Variants in GOLPH3 observed in about 807,000 individuals in gnomAD.
The protein encoded by GOLPH3 is golgi phosphoprotein 3.
Under a neutral mutation model 28.5 loss-of-function variants are expected in GOLPH3, and 14 were observed. That is an observed-to-expected ratio of 0.49 (90% CI 0.32 to 0.77). The LOEUF (loss-of-function observed/expected upper bound fraction) is 0.77. Ranked by LOEUF, GOLPH3 falls within the 30% of genes least tolerant of loss-of-function variation. GOLPH3 has a pLI of 0.03. For synonymous variants in GOLPH3, 158 were observed against 159.2 expected (o/e 0.99, Z 0.06); for missense variants, 350 against 393.7 (o/e 0.89, Z 0.94).
At chr5:32,167,441 G>A (rs999442122) in intron 1 of GOLPH3, among the ~76,000 whole-genome samples, 1 of 151,994 alleles carries the variant, frequency 6.6e-6, no homozygotes, top group Non-Finnish European at 1.5e-5. Flanking sequence ...CAAAGTACTG[G>A]GATTACAGGT....
Position 32,146,116 on chromosome 5 carries a change from C to G in GOLPH3, c.226-2236G>C, listed in dbSNP as rs530372282. Among the ~76,000 whole-genome samples, 14 of 151,922 alleles carry G rather than the reference C, an allele frequency of 9.2e-5. No individual in the cohort carries two copies. In the South Asian group the frequency reaches 2.7e-3, roughly 29 times the overall value. On this transcript the variant is annotated intron_variant, in intron 1 of 3. Transcript: ENST00000265070. Reference sequence around the variant, plus strand: ...AGACCCCTGGGCAACATGGTGAAACCCCATCTCTACAAAAAATACAAAAAT... The same window carrying G: ...AGACCCCTGGGCAACATGGTGAAACGCCATCTCTACAAAAAATACAAAAAT...
At chr5:32,159,555 G>C (rs1052236007) in intron 1 of GOLPH3, among the ~76,000 whole-genome samples, 3 of 152,226 alleles carry the variant, frequency 2.0e-5, no homozygotes, top group Non-Finnish European at 4.4e-5. Context: ...AGTGTGAGCA[G>C]ACACTCCCTC....
chr5:32,142,815 A>G (rs149369), intron 2 of GOLPH3, among the ~76,000 whole-genome samples: 2 of 124,630 alleles, frequency 1.6e-5, no homozygotes, highest in African/African-American at 6.2e-5. Flanking sequence ...TGCCCCGTCC[A>G]GGAGGGAGGT....
chr5:32,136,131 C>A (rs1465849640), intron 2 of GOLPH3, among the ~76,000 whole-genome samples: 1 of 148,858 alleles, frequency 6.7e-6, no homozygotes, highest in African/African-American at 2.5e-5. Context: ...GCCAAGATCA[C>A]GCCGCTGCAC....
chr5:32,151,034 T>C (rs961207533), intron 1 of GOLPH3, among the ~76,000 whole-genome samples: 1 of 152,080 alleles, frequency 6.6e-6, no homozygotes, highest in Non-Finnish European at 1.5e-5. Context: ...GAAGACAAAA[T>C]AAGAGTGAAA....
chr5:32,126,450 G>GC lies in GOLPH3; in HGVS notation c.658dup (p.Ala220GlyfsTer4). Reference sequence around the variant, plus strand: ...GTCATTCACCCATTTGTCAAGAACGGCTTCCTGTACTTTCTTGATGAGGCG... The same window carrying GC: ...GTCATTCACCCATTTGTCAAGAACGGCCTTCCTGTACTTTCTTGATGAGGCG... On this transcript the variant is annotated frameshift_variant, in exon 4 of 4. Transcript: ENST00000265070. LOFTEE classifies it high-confidence loss of function. The GC allele has an allele frequency of 6.2e-7, 1 of 1,614,160 alleles. No individual in the cohort carries two copies. Among genetic ancestry groups the GC allele is most frequent in the Non-Finnish European group, 8.5e-7 (1 of 1,180,028 alleles).
intron 1 of GOLPH3, among the ~76,000 whole-genome samples, chr5:32,164,175 C>G (rs553104386): frequency 1.3e-5 from 2 of 152,304 alleles, no homozygotes; most frequent in South Asian, 4.1e-4. Context: ...AAATTCCTAT[C>G]AGAGAAAAAG....
chr5:32,135,691 A>G lies in GOLPH3; in HGVS notation c.358-5T>C, dbSNP rs1370536323. The G allele has an allele frequency of 1.3e-6, 2 of 1,561,398 alleles. No homozygotes were observed. Among genetic ancestry groups the G allele is most frequent in the South Asian group, 2.2e-5 (2 of 89,518 alleles). On this transcript the variant is annotated splice_polypyrimidine_tract_variant and splice_region_variant and intron_variant, in intron 2 of 3. Transcript: ENST00000265070. ...AGCATCTGACTTACAGATTACCTAA[A>G]AAGAAAGCAAAAAGAATGAAAGGAT...
intron 2 of GOLPH3, among the ~76,000 whole-genome samples, chr5:32,138,208 A>G (rs1267374840): frequency 2.0e-5 from 3 of 152,090 alleles, no homozygotes; most frequent in Non-Finnish European, 4.4e-5. Context: ...CACCAATTTA[A>G]CATCACTTTT....
At chr5:32,142,716 G>A (rs1452811510) in intron 2 of GOLPH3, among the ~76,000 whole-genome samples, 8 of 137,358 alleles carry the variant, frequency 5.8e-5, no homozygotes, top group South Asian at 2.4e-4. Flanking sequence ...TCAGCCCCCC[G>A]CCTGGCCAGC....
intron 1 of GOLPH3, among the ~76,000 whole-genome samples, chr5:32,168,388 A>T (rs1210665343): frequency 6.6e-6 from 1 of 152,246 alleles, no homozygotes; most frequent in Non-Finnish European, 1.5e-5. Context: ...AGTCAGTTCT[A>T]TCATTTTGGT....
intron 3 of GOLPH3, among the ~76,000 whole-genome samples, chr5:32,128,965 A>T (rs1004655482): frequency 2.0e-5 from 3 of 152,118 alleles, no homozygotes; most frequent in Non-Finnish European, 1.5e-5. Flanking sequence ...ATGGCGGGTT[A>T]CGCTTGTAAT....
intron 3 of GOLPH3, among the ~76,000 whole-genome samples, chr5:32,135,003 G>T (rs769238477): frequency 5.9e-5 from 9 of 152,192 alleles, no homozygotes; most frequent in Non-Finnish European, 8.8e-5. Context: ...TCCTCCCTAA[G>T]GTTGCACTTC....
In GOLPH3 at chr5:32,128,896, T is replaced by A. The variant is rs557020126; in HGVS notation, c.473-2260A>T. 1.4e-4 allele frequency among the ~76,000 whole-genome samples: 21 copies of A among 151,838 alleles called. No homozygotes were observed. In the East Asian group the frequency reaches 4.1e-3, roughly 29 times the overall value. Reference sequence around the variant, plus strand: ...GGAGTCAACAGAAACAGTCCCAGCCTGGGCAACATGGTGAAATCCCGTCTC... The same window carrying A: ...GGAGTCAACAGAAACAGTCCCAGCCAGGGCAACATGGTGAAATCCCGTCTC... On this transcript the variant is annotated intron_variant, in intron 3 of 3. Transcript: ENST00000265070.
In GOLPH3 at chr5:32,124,776, T is replaced by G. The variant is rs1293546194; in HGVS notation, c.*1436A>C. ...TTCAGATAAAAAGATAGTATACATATTAGGGAATCCCTTAAAATTCAACTC... is the reference window on the plus strand; with the variant it reads ...TTCAGATAAAAAGATAGTATACATAGTAGGGAATCCCTTAAAATTCAACTC... On this transcript the variant is annotated 3_prime_UTR_variant, in exon 4 of 4. Coordinates refer to ENST00000265070, the MANE Select transcript of GOLPH3 (RefSeq NM_022130.4). The G allele has an allele frequency of 1.3e-5, 2 of 152,516 alleles. No homozygotes were observed. The highest frequency in any genetic ancestry group is 2.9e-5 in the Non-Finnish European group (2 of 68,038). 9.4% of individuals were successfully genotyped at this position (152,516 alleles called of 1,614,324 possible).
At chr5:32,140,005 TAC>T (rs1473020287) in intron 2 of GOLPH3, among the ~76,000 whole-genome samples, 17 of 152,172 alleles carry the variant, frequency 1.1e-4, no homozygotes, top group Non-Finnish European at 2.1e-4. Flanking sequence ...GTATCCAATT[TAC>T]AGAGTTCTAG....
At chr5:32,146,121 C>T (rs1198663117) in intron 1 of GOLPH3, among the ~76,000 whole-genome samples, 1 of 151,972 alleles carries the variant, frequency 6.6e-6, no homozygotes, top group Non-Finnish European at 1.5e-5. Flanking sequence ...GAAACCCCAT[C>T]TCTACAAAAA....
chr5:32,160,731 C>G (rs556304022), intron 1 of GOLPH3, among the ~76,000 whole-genome samples: 19 of 152,252 alleles, frequency 1.2e-4, no homozygotes, highest in Admixed American at 1.2e-3. Flanking sequence ...AAAGGCAGAG[C>G]CTTACATATA....
rs546093221 is a variant in GOLPH3, at chr5:32,142,256, G to A, written c.357+1493C>T. Among the ~76,000 whole-genome samples, 11 of 149,554 alleles carry A rather than the reference G, an allele frequency of 7.4e-5. No individual in the cohort carries two copies. The East Asian group carries it at 2.0e-3, about 27-fold the overall frequency. Reference sequence around the variant, plus strand: ...ATGCGGGGAGCACCTCTGCCCTGCCGCCCCGTCCGGGATGTGAGGAGCATC... The same window carrying A: ...ATGCGGGGAGCACCTCTGCCCTGCCACCCCGTCCGGGATGTGAGGAGCATC... On this transcript the variant is annotated intron_variant, in intron 2 of 3. Transcript: ENST00000265070.
Sources: gnomAD v4.1 joint callset for allele counts (sites outside exome capture counted in the v4.1 genomes callset) on GRCh38, gnomAD v4.1.1 for gene constraint, MANE v1.5 for transcripts, NCBI Gene and HGNC (gene_info 2026-07-23, HGNC 2026-07-21) for gene names.